MPPED2: variants seen among roughly 807,000 people sequenced by gnomAD.
MPPED2 encodes the protein metallophosphoesterase MPPED2.
Under a neutral mutation model 33.0 loss-of-function variants are expected in MPPED2, and 5 were observed. The ratio of observed to expected loss-of-function variants is 0.15; its 90% CI spans 0.08 to 0.32. The LOEUF (loss-of-function observed/expected upper bound fraction) is 0.32, where lower values mean the gene tolerates loss of function less well. Ranked by LOEUF, MPPED2 falls within the 10% of genes least tolerant of loss-of-function variation. MPPED2 has a pLI of 1.00. For synonymous variants in MPPED2, 136 were observed against 141.9 expected (o/e 0.96, Z 0.29); for missense variants, 275 against 372.1 (o/e 0.74, Z 2.15).
chr11:30,574,868 T>C (rs1352497669), intron 2 of MPPED2, among the ~76,000 whole-genome samples: 1 of 152,186 alleles, frequency 6.6e-6, no homozygotes, highest in African/African-American at 2.4e-5. Flanking sequence ...AAAAGGTCCT[T>C]ATCCAACACT....
At position 30,410,385 on chromosome 11, in the gene MPPED2, A is replaced by T; in HGVS notation, c.*1083T>A. 1 of 985,878 alleles carries T rather than the reference A, an allele frequency of 1.0e-6. No individual in the cohort carries two copies. Among genetic ancestry groups the T allele is most frequent in the Non-Finnish European group, 1.2e-6 (1 of 829,908 alleles). The allele number at this position is 985,878 out of a possible 1,614,324, so 61.1% of individuals were successfully genotyped here. On this transcript the variant is annotated 3_prime_UTR_variant, in exon 7 of 7. Coordinates refer to ENST00000358117, the MANE Select transcript of MPPED2 (RefSeq NM_001584.3). Reference sequence around the variant, plus strand: ...CAATGGGAAAACAGAAATGACTATTAGCGACAATATTTTGTGCTAGCGAAG... The same window carrying T: ...CAATGGGAAAACAGAAATGACTATTTGCGACAATATTTTGTGCTAGCGAAG...
In MPPED2 at chr11:30,410,901, CA is replaced by C. The variant is rs1197808134; in HGVS notation, c.*566del. ...GTTAAACCATCCTTTAAATGACAGC[CA>C]TTTTCTTCTCAATGCAGCTTTCTTT... is the stretch of plus-strand genomic sequence containing the variant. On this transcript the variant is annotated 3_prime_UTR_variant, in exon 7 of 7. Transcript: ENST00000358117. The C allele has an allele frequency of 1.0e-6, 1 of 985,542 alleles. No homozygotes were observed. 61.0% of individuals were successfully genotyped at this position (985,542 alleles called of 1,614,324 possible).
At chr11:30,477,429 A>G (rs1020549303) in intron 4 of MPPED2, among the ~76,000 whole-genome samples, 2 of 152,090 alleles carry the variant, frequency 1.3e-5, no homozygotes, top group Non-Finnish European at 2.9e-5. Context: ...TATGAATAAT[A>G]TTGAGTCTTT....
intron 3 of MPPED2, among the ~76,000 whole-genome samples, chr11:30,507,392 C>A (rs931940530): frequency 6.6e-6 from 1 of 152,152 alleles, no homozygotes; most frequent in Non-Finnish European, 1.5e-5. Flanking sequence ...TAGAGAAGTG[C>A]CTACGAAAGG....
At chr11:30,485,599 A>T (rs1951710003) in intron 4 of MPPED2, among the ~76,000 whole-genome samples, 1 of 152,166 alleles carries the variant, frequency 6.6e-6, no homozygotes, top group Non-Finnish European at 1.5e-5. Flanking sequence ...AGAGTTGTAG[A>T]TGTTTGAGCT....
chr11:30,411,429 A>G lies in MPPED2; in HGVS notation c.*39T>C. 6 of 1,590,706 alleles carry G rather than the reference A, an allele frequency of 3.8e-6. No homozygotes were observed. The highest frequency in any genetic ancestry group is 5.1e-6 in the Non-Finnish European group (6 of 1,165,770). ...TTTATAATTAGAAAAATGGCAGTTT[A>G]TAGACCTTCCCTCACATTCCAATAG... On this transcript the variant is annotated 3_prime_UTR_variant, in exon 7 of 7. Transcript: ENST00000358117.
At chr11:30,470,426 A>G (rs1028608525) in intron 4 of MPPED2, among the ~76,000 whole-genome samples, 2 of 152,198 alleles carry the variant, frequency 1.3e-5, no homozygotes, top group African/African-American at 4.8e-5. Context: ...GACAGGGGGT[A>G]GAGGGCAGAG....
chr11:30,502,127 AC>A (rs1952598870), intron 3 of MPPED2, among the ~76,000 whole-genome samples: 1 of 152,202 alleles, frequency 6.6e-6, no homozygotes, highest in Non-Finnish European at 1.5e-5. Context: ...GGATGAAGAA[AC>A]TGAGTGCCAG....
intron 2 of MPPED2, among the ~76,000 whole-genome samples, chr11:30,579,760 C>T (rs923321197): frequency 2.6e-5 from 4 of 151,622 alleles, no homozygotes; most frequent in Non-Finnish European, 5.9e-5. Context: ...CTAGCAGTAG[C>T]TGGACAATTA....
At chr11:30,480,414 T>A (rs1951428167) in intron 4 of MPPED2, among the ~76,000 whole-genome samples, 2 of 152,022 alleles carry the variant, frequency 1.3e-5, no homozygotes, top group South Asian at 4.1e-4. Flanking sequence ...ATAATTACCA[T>A]CGCCGTGACT....
intron 6 of MPPED2, among the ~76,000 whole-genome samples, chr11:30,401,000 C>T (rs1947901627): frequency 1.3e-5 from 2 of 152,164 alleles, no homozygotes; most frequent in African/African-American, 2.4e-5. Context: ...AATTCCTGAG[C>T]TCAAGTGATC....
intron 3 of MPPED2, among the ~76,000 whole-genome samples, chr11:30,518,855 G>A (rs113616493): frequency 6.0e-4 from 92 of 152,226 alleles, no homozygotes; most frequent in Non-Finnish European, 3.7e-4. Flanking sequence ...CTCCAGATGC[G>A]TTACAAAAGA....
At chr11:30,423,232 T>C (rs1948688390) in intron 4 of MPPED2, among the ~76,000 whole-genome samples, 1 of 152,148 alleles carries the variant, frequency 6.6e-6, no homozygotes, top group Non-Finnish European at 1.5e-5. Context: ...AAAGCAGGAT[T>C]TGGAAACAGG....
intron 4 of MPPED2, among the ~76,000 whole-genome samples, chr11:30,452,349 G>C (rs1020655828): frequency 6.6e-6 from 1 of 152,148 alleles, no homozygotes; most frequent in Non-Finnish European, 1.5e-5. Context: ...GCTTAAACAC[G>C]ATCGTGTCTG....
intron 1 of MPPED2, among the ~76,000 whole-genome samples, chr11:30,582,318 C>T (rs560842293): frequency 2.3e-4 from 35 of 152,212 alleles, no homozygotes; most frequent in Admixed American, 3.9e-4. Context: ...TGTTAGCCAT[C>T]AAAGCACAGA....
At position 30,410,777 on chromosome 11, in the gene MPPED2, C is replaced by T. The variant is rs753237549; in HGVS notation, c.*691G>A. 3.0e-6 allele frequency: 3 copies of T among 985,074 alleles called. No individual in the cohort carries two copies. The highest frequency in any genetic ancestry group is 1.2e-4 in the Admixed American group (2 of 16,270). 61.0% of individuals were successfully genotyped at this position (985,074 alleles called of 1,614,324 possible). Reference sequence around the variant, plus strand: ...TTTTTTTAACCGTATGAAATACCTGCTCTTGACAGATTCCATTTCTGTATT... The same window carrying T: ...TTTTTTTAACCGTATGAAATACCTGTTCTTGACAGATTCCATTTCTGTATT... On this transcript the variant is annotated 3_prime_UTR_variant, in exon 7 of 7. Transcript: ENST00000358117.
At chr11:30,546,174 C>T (rs1955416301) in intron 2 of MPPED2, among the ~76,000 whole-genome samples, 1 of 152,176 alleles carries the variant, frequency 6.6e-6, no homozygotes, top group African/African-American at 2.4e-5. Context: ...TCGGAAAAAA[C>T]AATAGAGACA....
intron 4 of MPPED2, among the ~76,000 whole-genome samples, chr11:30,418,728 G>C (rs1045091477): frequency 1.3e-5 from 2 of 152,194 alleles, no homozygotes; most frequent in Non-Finnish European, 2.9e-5. Flanking sequence ...TGTGTATAAA[G>C]TGACCCTAAC....
At position 30,417,642 on chromosome 11, in the gene MPPED2, G is replaced by A; in HGVS notation, c.537-9C>T. On this transcript the variant is annotated splice_polypyrimidine_tract_variant and intron_variant, in intron 4 of 6. Transcript: ENST00000358117. The stretch of plus-strand genomic sequence containing the variant: ...CATTAAACCACGGGGTCCTTTGGGG[G>A]AGATAATGCACATGGTATCAGGCCA... 6.5e-7 allele frequency: 1 copy of A among 1,533,202 alleles called. No homozygotes were observed. The highest frequency in any genetic ancestry group is 1.1e-5 in the South Asian group (1 of 89,220). The allele number at this position is 1,533,202 out of a possible 1,614,324, so 95.0% of individuals were successfully genotyped here.
Sources: gnomAD v4.1 joint callset for allele counts (sites outside exome capture counted in the v4.1 genomes callset) on GRCh38, gnomAD v4.1.1 for gene constraint, MANE v1.5 for transcripts, NCBI Gene and HGNC (gene_info 2026-07-23, HGNC 2026-07-21) for gene names.